Variants in SGSM1 observed in about 807,000 individuals in gnomAD.
The protein encoded by SGSM1 is RUN and TBC1 domain containing 2.
In SGSM1, 73 loss-of-function variants were observed where a neutral mutation model predicts 133.8. That is an observed-to-expected ratio of 0.55 (90% CI 0.45 to 0.66). SGSM1 has a LOEUF of 0.66. SGSM1 is among the 30% of genes least tolerant of loss of function. SGSM1 has a pLI of 0.00. For synonymous variants in SGSM1, 563 were observed against 573.0 expected, an observed-to-expected ratio of 0.98 and a Z score of 0.25; for missense variants, 1,213 against 1,448.1, an observed-to-expected ratio of 0.84 and a Z score of 2.64.
intron 9 of SGSM1, among the ~76,000 whole-genome samples, chr22:24,865,195 TTGTC>T (rs1301307523): frequency 3.9e-5 from 6 of 152,176 alleles, no homozygotes; most frequent in African/African-American, 1.2e-4. Context: ...ACTGTGAACA[TTGTC>T]TGAGCATCAC....
chr22:24,850,573 C>G, intron 5 of SGSM1, 141 bp downstream of exon 5: 1 of 1,249,502 alleles, frequency 8.0e-7, no homozygotes, highest in Non-Finnish European at 1.1e-6. Context: ...TGCTTGGAAA[C>G]TTGGGTAGAT....
At chr22:24,860,919 AAAAAT>A (rs1175618917) in intron 9 of SGSM1, among the ~76,000 whole-genome samples, 23 of 93,648 alleles carry the variant, frequency 2.5e-4, no homozygotes, top group African/African-American at 5.1e-4. Flanking sequence ...AAAAAAAAAA[AAAAAT>A]ATATATATAT....
At chr22:24,902,060 G>A (rs1312513466) in intron 20 of SGSM1, 103 bp downstream of exon 20, 7 of 1,212,656 alleles carry the variant, frequency 5.8e-6, no homozygotes, top group East Asian at 2.6e-5. Context: ...TCTGAAGCTG[G>A]CATCATACTC....
chr22:24,923,036 G>C (rs1883992), intron 24 of SGSM1, among the ~76,000 whole-genome samples: 45,349 of 152,100 alleles, frequency 0.3, 7,477 homozygotes, highest in East Asian at 0.68. Flanking sequence ...GTTGGGATTA[G>C]AGGAGGCATG....
chr22:24,860,922 A>ATATATATAT (rs34462953), intron 9 of SGSM1, among the ~76,000 whole-genome samples: 1 of 37,608 alleles, frequency 2.7e-5, no homozygotes, highest in African/African-American at 1.5e-4. Flanking sequence ...AAAAAAAAAA[A>ATATATATAT]ATATATATAT....
At chr22:24,820,181 G>A (rs968224623) in intron 2 of SGSM1, among the ~76,000 whole-genome samples, 1 of 152,188 alleles carries the variant, frequency 6.6e-6, no homozygotes, top group East Asian at 1.9e-4. Flanking sequence ...GCATGGGCGT[G>A]GCAGCCTGAA....
intron 24 of SGSM1, among the ~76,000 whole-genome samples, 198 bp downstream of exon 24, chr22:24,920,191 C>T (rs1367949998): frequency 6.6e-6 from 1 of 152,156 alleles, no homozygotes; most frequent in East Asian, 1.9e-4. Flanking sequence ...TCTCAGGGAT[C>T]TGGCAGGGGG....
At position 24,923,278 on chromosome 22, in the gene SGSM1, G is replaced by A. The variant is rs1250253522; in HGVS notation, c.3194-908G>A. Reference sequence around the variant, plus strand: ...TCGAAATACCCAAATACTCCACAGTGCCCCTGCAAATCACTATGACACGCT... The same window carrying A: ...TCGAAATACCCAAATACTCCACAGTACCCCTGCAAATCACTATGACACGCT... On this transcript the variant is annotated intron_variant, in intron 24 of 24. Transcript: ENST00000400358. Among the ~76,000 whole-genome samples, 5 of 143,648 alleles carry A rather than the reference G, an allele frequency of 3.5e-5. No homozygotes were observed. In the East Asian group the frequency reaches 9.2e-4, roughly 26 times the overall value. 94.2% of individuals were successfully genotyped at this position (143,648 alleles called of 152,430 possible).
At chr22:24,856,017 C>G (rs1173207278) in intron 8 of SGSM1, 3 of 421,288 alleles carry the variant, frequency 7.1e-6, no homozygotes, top group Admixed American at 3.0e-5. Context: ...TTACATCTAT[C>G]CATCCATCCA....
intron 2 of SGSM1, among the ~76,000 whole-genome samples, chr22:24,815,147 G>A (rs1927992212): frequency 6.6e-6 from 1 of 152,202 alleles, no homozygotes. Flanking sequence ...CTCAGATTGT[G>A]GGTATTTGCA....
intron 2 of SGSM1, among the ~76,000 whole-genome samples, chr22:24,825,545 TCA>T (rs971250028): frequency 6.6e-6 from 1 of 152,206 alleles, no homozygotes. Context: ...TTCTCCTGTC[TCA>T]GTCTCCCTAG....
In SGSM1 at chr22:24,850,273, C is replaced by G. The variant is rs773603642; in HGVS notation, c.303-7C>G. The G allele has an allele frequency of 6.3e-7, 1 of 1,578,558 alleles. No homozygotes were observed. The highest frequency in any genetic ancestry group is 1.2e-5 in the South Asian group (1 of 86,552). On this transcript the variant is annotated splice_polypyrimidine_tract_variant and splice_region_variant and intron_variant, in intron 4 of 24. Coordinates refer to ENST00000400358, the MANE Select transcript of SGSM1 (RefSeq NM_001098497.3). ...GTATCTATTCCCGTCTTTTATTGGT[C>G]TTGAAGGAGAAACCAGATTCAAGGC...
chr22:24,859,992 C>T (rs139702), intron 9 of SGSM1, 152 bp downstream of exon 9: 212,249 of 1,079,232 alleles, frequency 0.2, 26,131 homozygotes, highest in African/African-American at 0.5. Flanking sequence ...TCAGCCTCCC[C>T]GCAGCTGTGG....
intron 16 of SGSM1, among the ~76,000 whole-genome samples, chr22:24,889,240 G>A (rs187300470): frequency 6.3e-4 from 95 of 151,918 alleles, no homozygotes; most frequent in African/African-American, 2.1e-3. Flanking sequence ...GATTACAGGC[G>A]TGAGCCACCG....
At chr22:24,924,052 C>G (rs1934105484) in intron 24 of SGSM1, 134 bp from the exon 25 acceptor site, 3 of 729,756 alleles carry the variant, frequency 4.1e-6, no homozygotes. Context: ...GAGGTAGAGG[C>G]CTTCTCCAGG....
chr22:24,897,938 C>A, intron 18 of SGSM1, 34 bp from the exon 19 acceptor site: 1 of 1,534,774 alleles, frequency 6.5e-7, no homozygotes, highest in Non-Finnish European at 8.8e-7. Context: ...AGTCGACATG[C>A]CGGTCCATCT....
At chr22:24,920,968 A>G (rs1274728477) in intron 24 of SGSM1, among the ~76,000 whole-genome samples, 1 of 152,152 alleles carries the variant, frequency 6.6e-6, no homozygotes, top group South Asian at 2.1e-4. Context: ...CTGGTTTTTC[A>G]CTAGTATCCT....
intron 22 of SGSM1, among the ~76,000 whole-genome samples, chr22:24,914,272 G>A (rs532797261): frequency 3.7e-4 from 49 of 132,700 alleles, no homozygotes; most frequent in African/African-American, 1.3e-3. Context: ...CAGCCTGGGC[G>A]ACAGAGCAAG....
chr22:24,872,064 A>G (rs1428498194), intron 12 of SGSM1, among the ~76,000 whole-genome samples: 1 of 152,230 alleles, frequency 6.6e-6, no homozygotes, highest in Non-Finnish European at 1.5e-5. Context: ...TTCATGCCAC[A>G]GCAGCGGAGG....
Sources: gnomAD v4.1 joint callset for allele counts (sites outside exome capture counted in the v4.1 genomes callset) on GRCh38, gnomAD v4.1.1 for gene constraint, MANE v1.5 for transcripts, NCBI Gene and HGNC (gene_info 2026-07-23, HGNC 2026-07-21) for gene names.